IL20: variants seen among roughly 807,000 people sequenced by gnomAD.
IL20 encodes the protein interleukin-20.
A neutral mutation model predicts 19.2 loss-of-function variants in IL20; 22 were observed. That is an observed-to-expected ratio of 1.15 (90% CI 0.82 to 1.64). The LOEUF (loss-of-function observed/expected upper bound fraction) is 1.64. Ranked by LOEUF, IL20 falls within the 40% of genes most tolerant of loss-of-function variation. IL20 has a pLI of 0.00. For missense variants in IL20, 215 were observed against 212.8 expected, an observed-to-expected ratio of 1.01 and a Z score of -0.06; for synonymous variants, 70 against 76.2, an observed-to-expected ratio of 0.92 and a Z score of 0.43.
At position 206,866,645 on chromosome 1, in the gene IL20, G is replaced by A. The variant is rs1241237868; in HGVS notation, c.378+9G>A. 6.2e-7 allele frequency: 1 copy of A among 1,613,462 alleles called. No individual in the cohort carries two copies. Among genetic ancestry groups the A allele is most frequent in the Admixed American group, 1.7e-5 (1 of 60,002 alleles). On this transcript the variant is annotated intron_variant, in intron 4 of 5. Transcript: ENST00000367098. ...AGGACCTCCGGCTCTGTGTGAGTGT[G>A]GGTCTTGGGTGACAGGATGCATCTC... is the stretch of plus-strand genomic sequence containing the variant.
upstream of IL20, chr1:206,865,401 C>T (rs1382993118): frequency 1.7e-6 from 1 of 601,772 alleles, no homozygotes; most frequent in African/African-American, 2.0e-5. The surrounding 1 kb of genome is among the most constrained non-coding windows in gnomAD (Gnocchi z 4.1). Flanking sequence ...CCCCAGTTCC[C>T]CTGTGGGTCT....
Position 206,867,415 on chromosome 1 carries a change from A to G in IL20, c.410A>G (p.Glu137Gly). 6.2e-7 allele frequency: 1 copy of G among 1,613,732 alleles called. No individual in the cohort carries two copies. Among genetic ancestry groups the G allele is most frequent in the South Asian group, 1.1e-5 (1 of 91,058 alleles). ...HAHMTCHCGE[E>G]AMKKYSQILS... ...CACATGACATGCCATTGTGGGGAGG[A>G]AGCAATGAAGAAATACAGCCAGATT... Residue 137 changes from glutamate (E) to glycine (G), a missense_variant, in exon 5 of 6, where the codon GAA becomes GGA. Coordinates refer to ENST00000367098, the MANE Select transcript of IL20 (RefSeq NM_018724.4).
chr1:206,863,926 C>G (rs553154737), upstream of IL20, among the ~76,000 whole-genome samples: 5 of 152,082 alleles, frequency 3.3e-5, no homozygotes, highest in South Asian at 1.0e-3. Context: ...TTTAAATAAT[C>G]GATTTAAAAT....
At position 206,868,750 on chromosome 1, in the gene IL20, T is replaced by C; in HGVS notation, c.*186T>C. On this transcript the variant is annotated 3_prime_UTR_variant, in exon 6 of 6. Coordinates refer to ENST00000367098, the MANE Select transcript of IL20 (RefSeq NM_018724.4). ...TGTCTTTATGCATCCCCAATCTTAATTGAGACCATACTTGTATAAGATTTT... is the reference window on the plus strand; with the variant it reads ...TGTCTTTATGCATCCCCAATCTTAACTGAGACCATACTTGTATAAGATTTT... 2.7e-6 allele frequency: 1 copy of C among 372,582 alleles called. No individual in the cohort carries two copies. Among genetic ancestry groups the C allele is most frequent in the East Asian group, 3.9e-5 (1 of 25,804 alleles). The allele number at this position is 372,582 out of a possible 1,614,324, so 23.1% of individuals were successfully genotyped here. A position where few individuals can be genotyped will look rare whatever the true frequency, so the allele number is the denominator to read the frequency against.
In IL20 at chr1:206,865,860, C is replaced by T; in HGVS notation, c.8C>T (p.Ala3Val). The T allele has an allele frequency of 6.2e-7, 1 of 1,614,018 alleles. No individual in the cohort carries two copies. The highest frequency in any genetic ancestry group is 1.1e-5 in the South Asian group (1 of 91,066). Residue 3 changes from alanine (A) to valine (V), a missense_variant, in exon 2 of 6, where the codon GCC becomes GTC. Physicochemically the swap from Ala to Val is moderately conservative, Grantham distance 64. Coordinates refer to ENST00000367098, the MANE Select transcript of IL20 (RefSeq NM_018724.4). This position sits in a 1 kb window ranked among gnomAD's most constrained non-coding sequence, Gnocchi z 4.1. MK[A>V]SSLAFSLLSA... ...CCAGATTTCAGGCCTAAGATGAAAG[C>T]CTCTAGTCTTGCCTTCAGCCTTCTC... is the stretch of plus-strand genomic sequence containing the variant.
chr1:206,864,035 G>A (rs1572587733), upstream of IL20, among the ~76,000 whole-genome samples: 1 of 152,090 alleles, frequency 6.6e-6, no homozygotes, highest in African/African-American at 2.4e-5. Flanking sequence ...ATAGAGGTAG[G>A]GTGGCCAACT....
At chr1:206,867,489 GGT>G in intron 5 of IL20, 31 bp downstream of exon 5, 7 of 1,573,970 alleles carry the variant, frequency 4.4e-6, no homozygotes, top group Non-Finnish European at 6.1e-6. Context: ...GATTGGGATG[GGT>G]GTGTTTTAAG....
chr1:206,865,140 T>C (rs1677507588), upstream of IL20, among the ~76,000 whole-genome samples: 1 of 152,122 alleles, frequency 6.6e-6, no homozygotes, highest in African/African-American at 2.4e-5. The surrounding 1 kb of genome is among the most constrained non-coding windows in gnomAD (Gnocchi z 4.1). Flanking sequence ...GACACGAGTG[T>C]TAGGTGGAAT....
intron 5 of IL20, 98 bp from the exon 6 acceptor site, chr1:206,868,389 G>A: frequency 1.6e-6 from 1 of 638,182 alleles, no homozygotes; most frequent in Non-Finnish European, 2.5e-6. Context: ...AGAATGCTCT[G>A]CTTACAATTG....
chr1:206,864,734 C>A (rs1218478203), upstream of IL20, among the ~76,000 whole-genome samples: 1 of 152,118 alleles, frequency 6.6e-6, no homozygotes, highest in Admixed American at 6.5e-5. Flanking sequence ...CAGCATGGCA[C>A]TGTCGAATTT....
chr1:206,866,631 C>T lies in IL20; in HGVS notation c.373C>T (p.Leu125Phe). 1 of 1,614,020 alleles carries T rather than the reference C, an allele frequency of 6.2e-7. No individual in the cohort carries two copies. Among genetic ancestry groups the T allele is most frequent in the Non-Finnish European group, 8.5e-7 (1 of 1,179,930 alleles). The change falls in exon 4 of 6, where the codon CTC (leucine) becomes TTC (phenylalanine). Residue 125 changes from leucine to phenylalanine, a missense_variant. Coordinates refer to ENST00000367098, the MANE Select transcript of IL20 (RefSeq NM_018724.4). ...SFLTIKKDLR[L>F]CHAHMTCHCG... ...TCTTACCATCAAGAAGGACCTCCGG[C>T]TCTGTGTGAGTGTGGGTCTTGGGTG... is the stretch of plus-strand genomic sequence containing the variant.
rs1369548100 is a variant in IL20 at position 206,866,363 on chromosome 1, A to T, written c.224A>T (p.Lys75Met). ...AGGACTGAGTCTTTGCAAGACACAAAGGTATGTGCTTGGCCCAGACAAACT... is the reference window on the plus strand; with the variant it reads ...AGGACTGAGTCTTTGCAAGACACAATGGTATGTGCTTGGCCCAGACAAACT... ...LRRTESLQDTKPANRCCLLRH... is the reference protein window; with the variant it reads ...LRRTESLQDTMPANRCCLLRH... Residue 75 changes from lysine (K) to methionine (M), a missense_variant and splice_region_variant, in exon 3 of 6, where the codon AAG becomes ATG. Physicochemically the swap from Lys to Met is moderately conservative, Grantham distance 95. Coordinates refer to ENST00000367098, the MANE Select transcript of IL20 (RefSeq NM_018724.4). 1.2e-6 allele frequency: 2 copies of T among 1,613,956 alleles called. No homozygotes were observed. Among genetic ancestry groups the T allele is most frequent in the Non-Finnish European group, 1.7e-6 (2 of 1,179,862 alleles).
At chr1:206,866,081 G>T in intron 2 of IL20, 70 bp downstream of exon 2, 1 of 1,430,912 alleles carries the variant, frequency 7.0e-7, no homozygotes. Flanking sequence ...CTCTTTCCTG[G>T]CAGTACTGGC....
rs1294479953 is a variant in IL20, at chr1:206,869,167, C to G, written c.*603C>G. The G allele has an allele frequency of 6.6e-6, 1 of 152,286 alleles. No individual in the cohort carries two copies. Among genetic ancestry groups the G allele is most frequent in the Non-Finnish European group, 1.5e-5 (1 of 68,036 alleles). The allele number at this position is 152,286 out of a possible 1,614,324, so 9.4% of individuals were successfully genotyped here. On this transcript the variant is annotated 3_prime_UTR_variant, in exon 6 of 6. Coordinates refer to ENST00000367098, the MANE Select transcript of IL20 (RefSeq NM_018724.4). ...GTCCCATAATTGTGTATCTTCCAGC[C>G]AGGAATCCTACACGGCCAGCATGTA...
upstream of IL20, chr1:206,865,360 G>A: frequency 3.2e-6 from 1 of 313,762 alleles, no homozygotes; most frequent in Non-Finnish European, 4.6e-6. The surrounding 1 kb of genome is among the most constrained non-coding windows in gnomAD (Gnocchi z 4.1). Flanking sequence ...TTTCGATGGC[G>A]CAGCCACAGC....
upstream of IL20, among the ~76,000 whole-genome samples, chr1:206,864,444 A>T (rs145747181): frequency 1.5e-4 from 23 of 152,210 alleles, no homozygotes; most frequent in East Asian, 2.5e-3. Context: ...ATATGTCTTT[A>T]TAAATTTTAT....
chr1:206,866,908 A>G (rs3024517), intron 4 of IL20, among the ~76,000 whole-genome samples: 24,858 of 152,152 alleles, frequency 0.16, 2,257 homozygotes, highest in South Asian at 0.34. Context: ...CTTTGAAATT[A>G]TACTTTTTCT....
intron 5 of IL20, among the ~76,000 whole-genome samples, chr1:206,867,675 G>T (rs925015319): frequency 2.0e-5 from 3 of 152,144 alleles, no homozygotes; most frequent in African/African-American, 4.8e-5. Context: ...GAAAGGGAAT[G>T]GCCATGATTC....
chr1:206,864,405 A>G (rs1270237346), upstream of IL20, among the ~76,000 whole-genome samples: 1 of 151,532 alleles, frequency 6.6e-6, no homozygotes, highest in African/African-American at 2.4e-5. Flanking sequence ...GGATGTGTGC[A>G]TATATATATA....
Sources: allele counts gnomAD v4.1 joint callset (sites outside exome capture counted in the v4.1 genomes callset), GRCh38; gene constraint gnomAD v4.1.1; non-coding constraint Gnocchi (gnomAD v3.1); transcripts MANE v1.5; gene names NCBI Gene and HGNC (gene_info 2026-07-23, HGNC 2026-07-21).